Variants in CAMK4 observed in about 807,000 individuals in gnomAD.
CAMK4 encodes calcium/calmodulin-dependent protein kinase type IV.
CAMK4 carries 22 observed loss-of-function variants against 44.9 expected under a neutral mutation model. That is an observed-to-expected ratio of 0.49 (90% CI 0.35 to 0.70). CAMK4 has a LOEUF of 0.70. Among genes scored for constraint, CAMK4 ranks in the 30% least tolerant of loss-of-function variants. The pLI is 0.01. For synonymous variants in CAMK4, 218 were observed against 215.4 expected (o/e 1.01, Z -0.11); for missense variants, 498 against 586.8 (o/e 0.85, Z 1.56).
chr5:111,267,606 A>C (rs901133264), intron 1 of CAMK4, among the ~76,000 whole-genome samples: 4 of 146,866 alleles, frequency 2.7e-5, no homozygotes, highest in African/African-American at 1.0e-4. Flanking sequence ...CGGGAGGCTG[A>C]GGCAGGAGAA....
intron 5 of CAMK4, among the ~76,000 whole-genome samples, chr5:111,436,276 TAGAC>T (rs1753642782): frequency 6.6e-6 from 1 of 152,200 alleles, no homozygotes; most frequent in Non-Finnish European, 1.5e-5. Flanking sequence ...TATGTATAAA[TAGAC>T]AGGAAAATAA....
chr5:111,339,972 AT>A (rs1749570676), intron 1 of CAMK4, among the ~76,000 whole-genome samples: 1 of 150,976 alleles, frequency 6.6e-6, no homozygotes, highest in Non-Finnish European at 1.5e-5. Flanking sequence ...AGTATTTTAT[AT>A]CTTTATCTAT....
At chr5:111,338,766 CT>C (rs1749516071) in intron 1 of CAMK4, among the ~76,000 whole-genome samples, 1 of 151,226 alleles carries the variant, frequency 6.6e-6, no homozygotes, top group African/African-American at 2.4e-5. Context: ...GATCCGATGG[CT>C]GTAGGTGTGT....
intron 1 of CAMK4, among the ~76,000 whole-genome samples, chr5:111,274,284 T>C (rs963752445): frequency 8.5e-5 from 13 of 152,180 alleles, no homozygotes; most frequent in Admixed American, 6.6e-4. Context: ...TTAACTTGTT[T>C]TATTTTTCTT....
intron 2 of CAMK4, among the ~76,000 whole-genome samples, chr5:111,370,408 G>GA (rs1388502143): frequency 6.6e-6 from 1 of 151,972 alleles, no homozygotes; most frequent in East Asian, 1.9e-4. Flanking sequence ...TATATAATGT[G>GA]AAAAAATTAA....
intron 7 of CAMK4, among the ~76,000 whole-genome samples, chr5:111,464,599 C>T (rs1320863399): frequency 1.3e-5 from 2 of 152,064 alleles, no homozygotes; most frequent in Non-Finnish European, 2.9e-5. Flanking sequence ...TGGAAGTGGG[C>T]ATCGAAAATG....
At chr5:111,385,096 A>G (rs1335868932) in intron 4 of CAMK4, among the ~76,000 whole-genome samples, 1 of 152,192 alleles carries the variant, frequency 6.6e-6, no homozygotes, top group Non-Finnish European at 1.5e-5. Context: ...AGGGATTATA[A>G]TGACTACAAT....
chr5:111,459,087 T>C (rs1002693547), intron 7 of CAMK4, among the ~76,000 whole-genome samples: 3 of 152,134 alleles, frequency 2.0e-5, no homozygotes, highest in African/African-American at 7.2e-5. Context: ...TCAATGTGGG[T>C]GTTACCAGCA....
Position 111,484,516 on chromosome 5 carries a change from G to A in CAMK4, c.*50G>A, listed in dbSNP as rs759665820. 1 of 1,311,980 alleles carries A rather than the reference G, an allele frequency of 7.6e-7. No homozygotes were observed. Among genetic ancestry groups the A allele is most frequent in the Admixed American group, 2.5e-5 (1 of 40,304 alleles). 81.3% of individuals were successfully genotyped at this position (1,311,980 alleles called of 1,614,324 possible). A position where few individuals can be genotyped will look rare whatever the true frequency, so the allele number is the denominator to read the frequency against. On this transcript the variant is annotated 3_prime_UTR_variant, in exon 11 of 11. Coordinates refer to ENST00000282356, the MANE Select transcript of CAMK4 (RefSeq NM_001744.6). This position sits in a 1 kb window ranked among gnomAD's most constrained non-coding sequence, Gnocchi z 5.3. ...CAAACACCGGCATTTTATGTACTTT[G>A]TCCTTCAGCAAGAAAGGTGTGGAAG...
intron 7 of CAMK4, among the ~76,000 whole-genome samples, chr5:111,451,783 T>A (rs1453913404): frequency 6.6e-6 from 1 of 152,080 alleles, no homozygotes; most frequent in Non-Finnish European, 1.5e-5. Flanking sequence ...CCTGTTGTCC[T>A]AGTTACTCAG....
intron 5 of CAMK4, 39 bp downstream of exon 5, chr5:111,394,821 A>G: frequency 8.1e-7 from 1 of 1,237,918 alleles, no homozygotes; most frequent in Non-Finnish European, 1.2e-6. Flanking sequence ...ACTCTTAGTC[A>G]TCTCTTCCTT....
At chr5:111,357,857 A>G (rs1380696459) in intron 2 of CAMK4, 1 of 152,086 alleles carries the variant, frequency 6.6e-6, no homozygotes, top group African/African-American at 2.4e-5. Flanking sequence ...TCCCCAAGGA[A>G]GTATTTTTCT....
chr5:111,397,436 C>T (rs1407784245), intron 5 of CAMK4, among the ~76,000 whole-genome samples: 1 of 152,036 alleles, frequency 6.6e-6, no homozygotes, highest in East Asian at 1.9e-4. Context: ...ACTTACTCCC[C>T]AGCTAAGTAC....
intron 1 of CAMK4, among the ~76,000 whole-genome samples, chr5:111,292,518 A>G (rs1371326017): frequency 6.6e-6 from 1 of 152,170 alleles, no homozygotes; most frequent in African/African-American, 2.4e-5. Context: ...TAATGGTGAA[A>G]GCAAGACTAT....
intron 1 of CAMK4, among the ~76,000 whole-genome samples, chr5:111,261,164 T>C (rs1223130067): frequency 6.6e-6 from 1 of 152,232 alleles, no homozygotes; most frequent in Non-Finnish European, 1.5e-5. Context: ...TCCCTGATTA[T>C]TCCCAAACTC....
intron 3 of CAMK4, among the ~76,000 whole-genome samples, 199 bp from the exon 4 acceptor site, chr5:111,376,661 A>G (rs1751223773): frequency 6.6e-6 from 1 of 152,126 alleles, no homozygotes; most frequent in Admixed American, 6.6e-5. Flanking sequence ...GAACTTTGAA[A>G]AAAATGAGGT....
intron 6 of CAMK4, among the ~76,000 whole-genome samples, chr5:111,448,901 T>A (rs769112833): frequency 6.6e-6 from 1 of 152,250 alleles, no homozygotes; most frequent in Non-Finnish European, 1.5e-5. Flanking sequence ...AATATAGATT[T>A]ATTTGTAAAT....
chr5:111,242,683 G>A (rs1749055750), intron 1 of CAMK4, among the ~76,000 whole-genome samples: 1 of 152,108 alleles, frequency 6.6e-6, no homozygotes, highest in Admixed American at 6.5e-5. Context: ...CAGAACAGCC[G>A]TTGCGCTTGC....
chr5:111,235,864 A>G (rs1748688668), intron 1 of CAMK4, among the ~76,000 whole-genome samples: 1 of 151,944 alleles, frequency 6.6e-6, no homozygotes, highest in Admixed American at 6.6e-5. Flanking sequence ...CTAAGGGGAG[A>G]GGTGGGTGAG....
Sources: allele counts gnomAD v4.1 joint callset (sites outside exome capture counted in the v4.1 genomes callset), GRCh38; gene constraint gnomAD v4.1.1; non-coding constraint Gnocchi (gnomAD v3.1); transcripts MANE v1.5; gene names NCBI Gene and HGNC (gene_info 2026-07-23, HGNC 2026-07-21).